FANCA: variants seen among roughly 807,000 people sequenced by gnomAD.
The protein encoded by FANCA is FA complementation group A.
In FANCA, 236 loss-of-function variants were observed where a neutral mutation model predicts 194.3. That is an observed-to-expected ratio of 1.21 (90% CI 1.09 to 1.35). The LOEUF is 1.35. FANCA is among the 40% of genes most tolerant of loss of function. The pLI, the probability that FANCA is intolerant of heterozygous loss-of-function variation, is 0.00. For missense variants in FANCA, 2,628 were observed against 1,813.9 expected (o/e 1.45, Z -8.15); for synonymous variants, 1,014 against 715.8 (o/e 1.42, Z -6.65).
intron 10 of FANCA, among the ~76,000 whole-genome samples, chr16:89,797,918 A>AAATC (rs1357487960): frequency 6.6e-6 from 1 of 152,064 alleles, no homozygotes; most frequent in African/African-American, 2.4e-5. Context: ...ATAAATAAAT[A>AAATC]ATTGGCAACT....
chr16:89,764,858 G>A, intron 28 of FANCA, 32 bp downstream of exon 28: 4 of 1,609,830 alleles, frequency 2.5e-6, no homozygotes, highest in Non-Finnish European at 2.5e-6. Flanking sequence ...CTCAGGACGT[G>A]GCATGATGCA....
intron 11 of FANCA, among the ~76,000 whole-genome samples, chr16:89,793,236 C>A: frequency 6.6e-6 from 1 of 152,092 alleles, no homozygotes; most frequent in East Asian, 1.9e-4. Flanking sequence ...CGCTGGACCA[C>A]GATCCGCTTG....
At chr16:89,805,443 AG>A in intron 6 of FANCA, 51 bp from the exon 7 acceptor site, 1 of 1,463,246 alleles carries the variant, frequency 6.8e-7, no homozygotes, top group Non-Finnish European at 9.5e-7. Flanking sequence ...TCCCATCATC[AG>A]GGGATTGAGT....
chr16:89,760,313 G>C (rs1598094298), intron 29 of FANCA, among the ~76,000 whole-genome samples: 1 of 152,244 alleles, frequency 6.6e-6, no homozygotes, highest in African/African-American at 2.4e-5. Context: ...GCAGGCAGCA[G>C]CGAGTTTTCT....
chr16:89,765,177 ACATT>A (rs2039084364), intron 27 of FANCA, 111 bp from the exon 28 acceptor site: 1 of 1,261,702 alleles, frequency 7.9e-7, no homozygotes, highest in South Asian at 1.3e-5. Context: ...ACACAACCCC[ACATT>A]CAGAGGACCT....
chr16:89,809,128 G>A (rs183793022), intron 5 of FANCA, among the ~76,000 whole-genome samples: 640 of 151,846 alleles, frequency 4.2e-3, no homozygotes, highest in African/African-American at 0.013. Context: ...GGATGGGCTC[G>A]ATCTCCTGAC....
At chr16:89,778,882 G>A in intron 19 of FANCA, 32 bp from the exon 20 acceptor site, 2 of 1,613,744 alleles carry the variant, frequency 1.2e-6, no homozygotes, top group Non-Finnish European at 1.7e-6. Context: ...GTGAGAGACT[G>A]ACAAGGAAAG....
chr16:89,770,007 G>C lies in FANCA; in HGVS notation c.2334C>G (p.Ala778=). 6.2e-7 allele frequency: 1 copy of C among 1,613,754 alleles called. No individual in the cohort carries two copies. The highest frequency in any genetic ancestry group is 8.5e-7 in the Non-Finnish European group (1 of 1,179,982). ...LLRHQGPSLS[A]PHVLGLAALA... is the part of the protein sequence containing the mutation. ...GGGCAGCCAACCCCAGCACATGTGG[G>C]GCACTCAGGCTCGGGCCCTGCAACG... The change falls in exon 26 of 43, where the codon GCC becomes GCG. Residue 778 remains alanine, a synonymous_variant. Coordinates refer to ENST00000389301, the MANE Select transcript of FANCA (RefSeq NM_000135.4).
intron 5 of FANCA, among the ~76,000 whole-genome samples, chr16:89,808,990 C>G (rs899321375): frequency 2.6e-5 from 4 of 151,926 alleles, no homozygotes; most frequent in African/African-American, 9.7e-5. Context: ...ACTGTAAGCT[C>G]TGCCTCCCGG....
chr16:89,809,371 C>G (rs1311794224), intron 5 of FANCA, among the ~76,000 whole-genome samples: 1 of 151,974 alleles, frequency 6.6e-6, no homozygotes, highest in Non-Finnish European at 1.5e-5. Flanking sequence ...GGGCAGGGAC[C>G]AAAGCAATAA....
chr16:89,751,490 G>A (rs1480084628), intron 31 of FANCA, among the ~76,000 whole-genome samples: 1 of 152,122 alleles, frequency 6.6e-6, no homozygotes, highest in Non-Finnish European at 1.5e-5. Flanking sequence ...TAATAATTAT[G>A]ATTACAATTA....
intron 13 of FANCA, 118 bp from the exon 14 acceptor site, chr16:89,791,654 G>A: frequency 7.1e-7 from 1 of 1,410,820 alleles, no homozygotes. Flanking sequence ...CAAACACCAA[G>A]TTTTAAAAGA....
intron 33 of FANCA, among the ~76,000 whole-genome samples, chr16:89,747,561 T>C (rs928415566): frequency 6.6e-6 from 1 of 152,034 alleles, no homozygotes; most frequent in Non-Finnish European, 1.5e-5. Flanking sequence ...TAGCCGGTCA[T>C]GGCGGCAGGC....
At position 89,739,122 on chromosome 16, in the gene FANCA, C is replaced by T; in HGVS notation, c.4167+11G>A. The T allele has an allele frequency of 6.2e-7, 1 of 1,614,126 alleles. No homozygotes were observed. The highest frequency in any genetic ancestry group is 8.5e-7 in the Non-Finnish European group (1 of 1,180,014). ...AGCTCCCCTGGAGGTGGGACTGGCC[C>T]TTGCACCTGCCTGACCCTTGAGCTC... On this transcript the variant is annotated intron_variant, in intron 41 of 42. Coordinates refer to ENST00000389301, the MANE Select transcript of FANCA (RefSeq NM_000135.4).
chr16:89,754,067 C>T (rs902335302), intron 30 of FANCA, among the ~76,000 whole-genome samples: 4 of 151,818 alleles, frequency 2.6e-5, no homozygotes, highest in African/African-American at 9.7e-5. Context: ...AACAAACAAA[C>T]AAAAATTAGC....
At position 89,765,079 on chromosome 16, in the gene FANCA, G is replaced by C; in HGVS notation, c.2602-13C>G. The stretch of plus-strand genomic sequence containing the variant: ...TGAGGAACTGAAACTGAAACAGAGA[G>C]TGACCCGGCCGTTTCTTCATTGCGC... On this transcript the variant is annotated splice_polypyrimidine_tract_variant and intron_variant, in intron 27 of 42. Transcript: ENST00000389301. 1 of 1,613,898 alleles carries C rather than the reference G, an allele frequency of 6.2e-7. No individual in the cohort carries two copies. The highest frequency in any genetic ancestry group is 8.5e-7 in the Non-Finnish European group (1 of 1,179,816).
At chr16:89,786,362 T>C (rs1033756832) in intron 14 of FANCA, among the ~76,000 whole-genome samples, 1 of 152,256 alleles carries the variant, frequency 6.6e-6, no homozygotes, top group East Asian at 1.9e-4. Flanking sequence ...TTTGTGTTTT[T>C]AGTAGAGACA....
intron 30 of FANCA, among the ~76,000 whole-genome samples, chr16:89,756,141 T>C (rs1409230479): frequency 6.6e-6 from 1 of 152,190 alleles, no homozygotes; most frequent in East Asian, 1.9e-4. Context: ...ATGTGGCTCG[T>C]TGTTAACCAG....
At chr16:89,753,417 C>T (rs987737806) in intron 30 of FANCA, among the ~76,000 whole-genome samples, 1 of 152,200 alleles carries the variant, frequency 6.6e-6, no homozygotes, top group Non-Finnish European at 1.5e-5. Flanking sequence ...CATCGCCGCA[C>T]ACAGGGAGAG....
Sources: gnomAD v4.1 joint callset for allele counts (sites outside exome capture counted in the v4.1 genomes callset) on GRCh38, gnomAD v4.1.1 for gene constraint, MANE v1.5 for transcripts, NCBI Gene and HGNC (gene_info 2026-07-23, HGNC 2026-07-21) for gene names.